The following DNHD1 variants were observed in gnomAD, a reference collection of about 807,000 sequenced individuals.
DNHD1 encodes dynein heavy chain domain 1.
DNHD1 carries 383 observed loss-of-function variants against 458.1 expected under a neutral mutation model. The observed-to-expected ratio is 0.84, with a 90% CI of 0.77 to 0.91. The LOEUF is 0.91. Among genes scored for constraint, DNHD1 ranks in the 40% least tolerant of loss-of-function variants. The pLI is 0.00. For missense variants in DNHD1, 5,336 were observed against 5,866.1 expected, an observed-to-expected ratio of 0.91 and a Z score of 2.95; for synonymous variants, 2,203 against 2,376.9, an observed-to-expected ratio of 0.93 and a Z score of 2.13.
At chr11:6,514,480 T>G (rs1852415827) in intron 7 of DNHD1, among the ~76,000 whole-genome samples, 1 of 147,638 alleles carries the variant, frequency 6.8e-6, no homozygotes, top group Non-Finnish European at 1.5e-5. Context: ...CTCCTTTCCT[T>G]TCCTTTCCTT....
chr11:6,537,906 A>G (rs888171009), intron 14 of DNHD1, among the ~76,000 whole-genome samples: 1 of 152,106 alleles, frequency 6.6e-6, no homozygotes, highest in Non-Finnish European at 1.5e-5. Flanking sequence ...ACACCAGCCC[A>G]GGTAACAGTG....
chr11:6,546,024 T>C lies in DNHD1; in HGVS notation c.5085T>C (p.Ala1695=), dbSNP rs1437744750. The C allele has an allele frequency of 6.4e-7, 1 of 1,551,540 alleles. No individual in the cohort carries two copies. Among genetic ancestry groups the C allele is most frequent in the South Asian group, 1.2e-5 (1 of 84,050 alleles). Residue 1695 remains alanine (A), a synonymous_variant, in exon 21 of 43, where the codon GCT becomes GCC. Transcript: ENST00000254579. ...GTCCTAATGGTGTGGGCAAGAGAGC[T>C]ATAGTGAACAGCCTGGCACAGGCCC... ...VLGPNGVGKR[A]IVNSLAQALG...
rs1853728454 is a variant in DNHD1, at chr11:6,567,304, C to G, written c.11795C>G (p.Pro3932Arg). Residue 3932 changes from proline to arginine, a missense_variant, in exon 36 of 43, where the codon CCC becomes CGC. Physicochemically the swap from Pro to Arg is moderately radical, Grantham distance 103. Around this residue, in one of 4 missense-constraint regions of DNHD1, gnomAD observed 695 missense variants for 804.2 expected, o/e 0.86. Coordinates refer to ENST00000254579, the MANE Select transcript of DNHD1 (RefSeq NM_144666.3). The stretch of plus-strand genomic sequence containing the variant: ...ACTGCACTGGGCCTTACCCAAGTAC[C>G]CTTGGTGGGTGCATTGGGCGCTTTG... ...TVTALGLTQV[P>R]LVGALGALAL... The G allele has an allele frequency of 1.2e-6, 2 of 1,614,066 alleles. No individual in the cohort carries two copies. The highest frequency in any genetic ancestry group is 3.3e-5 in the Admixed American group (2 of 60,038).
chr11:6,557,803 G>C lies in DNHD1; in HGVS notation c.8508G>C (p.Leu2836Phe), dbSNP rs1339168350. Residue 2836 changes from leucine to phenylalanine, a missense_variant, in exon 25 of 43, where the codon TTG becomes TTC. By Grantham distance (22) the Leu-to-Phe change is conservative (BLOSUM62 0). This residue lies in a region of DNHD1 where 3,932 missense variants were observed against 4,365.6 expected (regional missense o/e 0.90). Transcript: ENST00000254579. Reference protein sequence around the residue: ...ILGPNSETPNLYLERQWEKLE... With the variant: ...ILGPNSETPNFYLERQWEKLE... ...GGCCTAACTCTGAGACCCCCAACTT[G>C]TACCTGGAACGACAGTGGGAGAAGC... 2 of 1,551,326 alleles carry C rather than the reference G, an allele frequency of 1.3e-6. No homozygotes were observed. Among genetic ancestry groups the C allele is most frequent in the East Asian group, 4.9e-5 (2 of 40,928 alleles).
At chr11:6,524,455 A>G (rs1852668447) in intron 10 of DNHD1, among the ~76,000 whole-genome samples, 1 of 152,024 alleles carries the variant, frequency 6.6e-6, no homozygotes, top group Non-Finnish European at 1.5e-5. Flanking sequence ...CCTTATAACT[A>G]CTTCTTTCAA....
At chr11:6,549,302 G>C (rs1339489127) in intron 24 of DNHD1, among the ~76,000 whole-genome samples, 18 of 152,198 alleles carry the variant, frequency 1.2e-4, no homozygotes, top group Non-Finnish European at 8.8e-5. Context: ...CATCCAGCCA[G>C]TCATGTAAGC....
chr11:6,519,915 T>G (rs1409094149), intron 8 of DNHD1, 50 bp from the exon 9 acceptor site: 1 of 1,613,158 alleles, frequency 6.2e-7, no homozygotes. Flanking sequence ...TGCTGAGGAA[T>G]GTATACTGAC....
At chr11:6,553,647 AG>A (rs1220316683) in intron 24 of DNHD1, among the ~76,000 whole-genome samples, 1 of 152,226 alleles carries the variant, frequency 6.6e-6, no homozygotes, top group Non-Finnish European at 1.5e-5. Context: ...TTAATTCATC[AG>A]GGTCACAGGA....
intron 6 of DNHD1, among the ~76,000 whole-genome samples, chr11:6,510,165 C>G (rs1292712665): frequency 6.6e-6 from 1 of 151,926 alleles, no homozygotes; most frequent in Non-Finnish European, 1.5e-5. Flanking sequence ...CTCACTGCAA[C>G]CTCCTCCTCC....
intron 4 of DNHD1, chr11:6,503,801 C>T (rs1852182292): frequency 6.6e-6 from 1 of 152,150 alleles, no homozygotes; most frequent in Admixed American, 6.5e-5. Context: ...TTTTAAAAAG[C>T]CCTATTCAAG....
At chr11:6,529,597 C>T (rs1008449867) in intron 12 of DNHD1, among the ~76,000 whole-genome samples, 1 of 152,194 alleles carries the variant, frequency 6.6e-6, no homozygotes, top group Non-Finnish European at 1.5e-5. Flanking sequence ...TGGTCTGATT[C>T]AGTCTATTTG....
chr11:6,566,247 C>T lies in DNHD1; in HGVS notation c.11060C>T (p.Pro3687Leu). 1 of 1,551,560 alleles carries T rather than the reference C, an allele frequency of 6.4e-7. No individual in the cohort carries two copies. Residue 3687 changes from proline to leucine, a missense_variant, in exon 34 of 43, where the codon CCT (proline) becomes CTT (leucine). Pro to Leu is a moderately conservative substitution (Grantham distance 98). Coordinates refer to ENST00000254579, the MANE Select transcript of DNHD1 (RefSeq NM_144666.3). Reference protein sequence around the residue: ...QLQEAAACGLPVLLTNVELGL... With the variant: ...QLQEAAACGLLVLLTNVELGL... ...CTTTGCCTCCCTCTCACAGGCCTGCCTGTGTTACTGACCAATGTGGAGCTG... is the reference window on the plus strand; with the variant it reads ...CTTTGCCTCCCTCTCACAGGCCTGCTTGTGTTACTGACCAATGTGGAGCTG...
In DNHD1 at chr11:6,565,819, A is replaced by G; in HGVS notation, c.10881A>G (p.Lys3627=). 6.4e-7 allele frequency: 1 copy of G among 1,551,714 alleles called. No homozygotes were observed. The highest frequency in any genetic ancestry group is 8.7e-7 in the Non-Finnish European group (1 of 1,147,000). ...QTKEQKAEER[K]NEQEKEQEEN... ...AAGAGCAGAAGGCAGAGGAAAGAAA[A>G]AATGAGCAGGAGAAAGAGCAAGAGG... Residue 3627 remains lysine (K), a synonymous_variant, in exon 33 of 43, where the codon AAA becomes AAG. Coordinates refer to ENST00000254579, the MANE Select transcript of DNHD1 (RefSeq NM_144666.3).
chr11:6,566,199 T>C, intron 33 of DNHD1, 42 bp from the exon 34 acceptor site: 1 of 1,545,064 alleles, frequency 6.5e-7, no homozygotes, highest in African/African-American at 1.4e-5. Context: ...GGATCATGGG[T>C]GCTGGCATTG....
intron 28 of DNHD1, among the ~76,000 whole-genome samples, chr11:6,561,978 C>A (rs1285008638): frequency 2.6e-5 from 4 of 152,006 alleles, no homozygotes; most frequent in Non-Finnish European, 5.9e-5. Flanking sequence ...GTGTTAATGA[C>A]AATGATTCAG....
At chr11:6,540,701 A>T (rs1265400985) in intron 18 of DNHD1, among the ~76,000 whole-genome samples, 1 of 152,216 alleles carries the variant, frequency 6.6e-6, no homozygotes, top group Non-Finnish European at 1.5e-5. Flanking sequence ...TTGAAGGAGT[A>T]AGAGTTTGCC....
Position 6,567,877 on chromosome 11 carries a change from T to C in DNHD1, c.12351+17T>C, listed in dbSNP as rs962169893. ...TATCAGCAGGTTTGAACCTAGTTTC[T>C]TGGCCACAGAGTGACCAGGCTCCTG... is the stretch of plus-strand genomic sequence containing the variant. On this transcript the variant is annotated intron_variant, in intron 36 of 42. Coordinates refer to ENST00000254579, the MANE Select transcript of DNHD1 (RefSeq NM_144666.3). 6.3e-7 allele frequency: 1 copy of C among 1,599,244 alleles called. No homozygotes were observed. The highest frequency in any genetic ancestry group is 8.5e-7 in the Non-Finnish European group (1 of 1,173,626).
In DNHD1 at chr11:6,570,910, C is replaced by T. The variant is rs753400142; in HGVS notation, c.13398C>T (p.Ser4466=). The change falls in exon 42 of 43, where the codon TCC becomes TCT. Residue 4466 remains serine (S), a synonymous_variant. Coordinates refer to ENST00000254579, the MANE Select transcript of DNHD1 (RefSeq NM_144666.3). ...CCCACGTGATTCGCCAAGACGAGTCCGACGCCCCGTGGTCAGTGCTGGGGC... is the reference window on the plus strand; with the variant it reads ...CCCACGTGATTCGCCAAGACGAGTCTGACGCCCCGTGGTCAGTGCTGGGGC... ...LLTHVIRQDE[S]DAPWSVLGPN... 12 of 1,613,276 alleles carry T rather than the reference C, an allele frequency of 7.4e-6. No homozygotes were observed. Among genetic ancestry groups the T allele is most frequent in the Non-Finnish European group, 1.0e-5 (12 of 1,179,366 alleles).
rs1363861530 is a variant in DNHD1, at chr11:6,571,159, G to T, written c.13647G>T (p.Trp4549Cys). Residue 4549 changes from tryptophan to cysteine, a missense_variant, in exon 42 of 43, where the codon TGG becomes TGT. Physicochemically the swap from Trp to Cys is radical, Grantham distance 215 (BLOSUM62 -2). Transcript: ENST00000254579. The surrounding 1 kb of genome is among the most constrained non-coding windows in gnomAD (Gnocchi z 5.0). ...CGCCGGCCGGTCCGCAGCCGCCCTGGCACTGGCTGCGACAGTTGTCGCGCC... is the reference window on the plus strand; with the variant it reads ...CGCCGGCCGGTCCGCAGCCGCCCTGTCACTGGCTGCGACAGTTGTCGCGCC... ...PHAPAGPQPP[W>C]HWLRQLSRRG... 7 of 1,603,372 alleles carry T rather than the reference G, an allele frequency of 4.4e-6. No individual in the cohort carries two copies. The highest frequency in any genetic ancestry group is 1.3e-5 in the African/African-American group (1 of 74,806).
Sources: gnomAD v4.1 joint callset for allele counts (sites outside exome capture counted in the v4.1 genomes callset) on GRCh38, gnomAD v4.1.1 for gene constraint, gnomAD v4.1.1 regional missense constraint, Gnocchi (gnomAD v3.1) non-coding constraint, MANE v1.5 for transcripts, NCBI Gene and HGNC (gene_info 2026-07-23, HGNC 2026-07-21) for gene names.